AUNIP: variants seen among roughly 807,000 people sequenced by gnomAD.
AUNIP encodes the protein aurora kinase A and ninein interacting protein, also known as aurora kinase A- and ninein-interacting protein.
Under a neutral mutation model 12.2 loss-of-function variants are expected in AUNIP, and 16 were observed. That is an observed-to-expected ratio of 1.31 (90% CI 0.88 to 1.99). The LOEUF is 1.99. AUNIP is among the 30% of genes most tolerant of loss of function. The pLI, the probability that AUNIP is intolerant of heterozygous loss-of-function variation, is 0.00. For synonymous variants in AUNIP, 142 were observed against 154.8 expected (o/e 0.92, Z 0.61); for missense variants, 411 against 419.1 (o/e 0.98, Z 0.17).
At chr1:25,837,322 C>T in intron 2 of AUNIP, 91 bp downstream of exon 2, 1 of 1,416,354 alleles carries the variant, frequency 7.1e-7, no homozygotes, top group Non-Finnish European at 9.6e-7. Flanking sequence ...GCACTGGTTT[C>T]ACCATTTCTC....
intron 1 of AUNIP, among the ~76,000 whole-genome samples, chr1:25,839,818 C>A (rs376724080): frequency 5.7e-4 from 87 of 152,240 alleles, no homozygotes; most frequent in African/African-American, 1.9e-3. Flanking sequence ...AGGTGCCTGC[C>A]ACCATGCCTG....
chr1:25,837,575 G>T (rs1014034278), intron 1 of AUNIP, 21 bp from the exon 2 acceptor site: 14 of 1,605,804 alleles, frequency 8.7e-6, no homozygotes, highest in Middle Eastern at 1.7e-4. Context: ...AGAGAAAAAA[G>T]AATAATGAGC....
At chr1:25,845,740 T>C (rs1248332865) in intron 1 of AUNIP, among the ~76,000 whole-genome samples, 4 of 152,190 alleles carry the variant, frequency 2.6e-5, no homozygotes, top group Non-Finnish European at 4.4e-5. Context: ...GCAGGAAGGA[T>C]TTCCCGTTTT....
chr1:25,845,345 TTGA>T (rs1335065543), intron 1 of AUNIP, among the ~76,000 whole-genome samples: 2 of 152,244 alleles, frequency 1.3e-5, no homozygotes, highest in Non-Finnish European at 2.9e-5. Context: ...ACTGCACACA[TTGA>T]TGATTCCAGT....
chr1:25,859,265 C>A lies in AUNIP; in HGVS notation c.78+15G>T. On this transcript the variant is annotated intron_variant, in intron 1 of 2. Transcript: ENST00000374298. ...TACCTGGTTCCCAACGCCCTCTCAT[C>A]CCCCAGCGTCCCACCTGCACTTTCC... The A allele has an allele frequency of 6.4e-7, 1 of 1,569,256 alleles. No individual in the cohort carries two copies. The highest frequency in any genetic ancestry group is 8.6e-7 in the Non-Finnish European group (1 of 1,158,842).
chr1:25,846,296 G>A (rs2048382612), intron 1 of AUNIP, among the ~76,000 whole-genome samples: 1 of 151,424 alleles, frequency 6.6e-6, no homozygotes, highest in Non-Finnish European at 1.5e-5. Context: ...GCGTGCACCT[G>A]TAGTCCCAGC....
Position 25,852,461 on chromosome 1 carries a change from T to G in AUNIP, c.78+6819A>C, listed in dbSNP as rs1248478232. Reference sequence around the variant, plus strand: ...AGATTATTTAAGGTTTTTTTTTTTGTTGTTTTTTTTTTTGAGACAGGAGTT... The same window carrying G: ...AGATTATTTAAGGTTTTTTTTTTTGGTGTTTTTTTTTTTGAGACAGGAGTT... On this transcript the variant is annotated intron_variant, in intron 1 of 2. Transcript: ENST00000374298. 1.3e-4 allele frequency among the ~76,000 whole-genome samples: 15 copies of G among 111,490 alleles called. No homozygotes were observed. In the South Asian group the frequency reaches 1.7e-3, roughly 13 times the overall value. 73.1% of individuals were successfully genotyped at this position (111,490 alleles called of 152,430 possible).
chr1:25,855,236 G>C (rs980107170), intron 1 of AUNIP, among the ~76,000 whole-genome samples: 10 of 152,068 alleles, frequency 6.6e-5, no homozygotes, highest in Admixed American at 5.2e-4. Context: ...AATACTGTCT[G>C]TGCTCAAGGA....
intron 1 of AUNIP, among the ~76,000 whole-genome samples, chr1:25,851,394 A>T (rs558327493): frequency 1.3e-5 from 2 of 152,192 alleles, no homozygotes; most frequent in East Asian, 3.8e-4. Context: ...ATGAGTTGGA[A>T]AGTGTTCCCT....
chr1:25,848,571 C>T (rs116499733), intron 1 of AUNIP, among the ~76,000 whole-genome samples: 24 of 151,582 alleles, frequency 1.6e-4, no homozygotes, highest in African/African-American at 5.8e-4. Context: ...TGGAATGTCC[C>T]ACCTGATAGG....
chr1:25,836,490 G>C (rs1380063434), intron 2 of AUNIP, among the ~76,000 whole-genome samples: 1 of 152,220 alleles, frequency 6.6e-6, no homozygotes, highest in African/African-American at 2.4e-5. Context: ...CAGGCATAGA[G>C]TGGATTCTGT....
intron 1 of AUNIP, among the ~76,000 whole-genome samples, chr1:25,846,386 T>G (rs557120425): frequency 8.5e-6 from 1 of 117,288 alleles, no homozygotes; most frequent in South Asian, 3.0e-4. Context: ...GCCACTGCAC[T>G]CCAGCGGGCA....
At chr1:25,831,958 C>G, downstream of AUNIP, 1 of 1,614,180 alleles carries the variant, frequency 6.2e-7, no homozygotes, top group South Asian at 1.1e-5. Context: ...CCCTGCTGTG[C>G]TTATCTCTGA....
chr1:25,850,625 C>A (rs541592837), intron 1 of AUNIP, among the ~76,000 whole-genome samples: 1 of 152,182 alleles, frequency 6.6e-6, no homozygotes, highest in South Asian at 2.1e-4. Flanking sequence ...GTATGTCTTG[C>A]ACTGTTTTGT....
In AUNIP at chr1:25,834,853, C is replaced by G; in HGVS notation, c.*140G>C. 1.3e-6 allele frequency: 2 copies of G among 1,489,948 alleles called. No individual in the cohort carries two copies. The highest frequency in any genetic ancestry group is 1.8e-6 in the Non-Finnish European group (2 of 1,128,220). 92.3% of individuals were successfully genotyped at this position (1,489,948 alleles called of 1,614,324 possible). Reference sequence around the variant, plus strand: ...ACAATGGTACTGCCCTTTATTTACACAGAGAAGATGCTCAGTAATGACAAC... The same window carrying G: ...ACAATGGTACTGCCCTTTATTTACAGAGAGAAGATGCTCAGTAATGACAAC... On this transcript the variant is annotated 3_prime_UTR_variant, in exon 3 of 3. Transcript: ENST00000374298.
chr1:25,853,667 G>A (rs2048438965), intron 1 of AUNIP, among the ~76,000 whole-genome samples: 1 of 152,154 alleles, frequency 6.6e-6, no homozygotes, highest in Admixed American at 6.5e-5. Flanking sequence ...TGGTTAGCTT[G>A]GTGGTTCTGG....
rs953426598 is a variant in AUNIP, at chr1:25,859,415, A to T, written c.-58T>A. 5.2e-5 allele frequency: 73 copies of T among 1,414,086 alleles called. No homozygotes were observed. Among genetic ancestry groups the T allele is most frequent in the Non-Finnish European group, 6.7e-5 (73 of 1,085,058 alleles). The allele number at this position is 1,414,086 out of a possible 1,614,324, so 87.6% of individuals were successfully genotyped here. A position where few individuals can be genotyped will look rare whatever the true frequency, so the allele number is the denominator to read the frequency against. ...GGCGCAGGCTCCCGGCGCCTCAGGG[A>T]ACGCCAGAACCGCGGCCGCCGACGT... On this transcript the variant is annotated 5_prime_UTR_variant, in exon 1 of 3. Transcript: ENST00000374298.
downstream of AUNIP, chr1:25,832,306 G>T: frequency 1.1e-6 from 1 of 885,000 alleles, no homozygotes; most frequent in Non-Finnish European, 1.7e-6. Context: ...GTTGTTTCTG[G>T]TTTTTCCTTG....
intron 1 of AUNIP, among the ~76,000 whole-genome samples, chr1:25,858,430 G>A (rs1242603199): frequency 1.3e-5 from 2 of 152,122 alleles, no homozygotes; most frequent in Admixed American, 1.3e-4. Flanking sequence ...TCTGTTTTGA[G>A]CCTGTTTTCC....
Sources: allele counts gnomAD v4.1 joint callset (sites outside exome capture counted in the v4.1 genomes callset), GRCh38; gene constraint gnomAD v4.1.1; transcripts MANE v1.5; gene names NCBI Gene and HGNC (gene_info 2026-07-23, HGNC 2026-07-21).